DTL: variants seen among roughly 807,000 people sequenced by gnomAD.
DTL encodes the protein denticleless protein homolog.
A neutral mutation model predicts 87.0 loss-of-function variants in DTL; 46 were observed. That is an observed-to-expected ratio of 0.53 (90% CI 0.42 to 0.68). DTL has a LOEUF of 0.68. Ranked by LOEUF, DTL falls within the 30% of genes least tolerant of loss-of-function variation. The probability of loss-of-function intolerance (pLI) is 0.00; values close to 1 mark genes in which losing one functional copy is unlikely to be tolerated. For synonymous variants in DTL, 308 were observed against 311.2 expected, an observed-to-expected ratio of 0.99 and a Z score of 0.11; for missense variants, 737 against 869.4, an observed-to-expected ratio of 0.85 and a Z score of 1.91.
intron 10 of DTL, among the ~76,000 whole-genome samples, chr1:212,071,412 C>T (rs571755016): frequency 1.3e-5 from 2 of 152,304 alleles, no homozygotes; most frequent in South Asian, 4.1e-4. Context: ...GGGTTACCTG[C>T]CCTTTTGCCA....
intron 6 of DTL, among the ~76,000 whole-genome samples, chr1:212,063,232 C>T (rs558981564): frequency 2.6e-5 from 4 of 151,742 alleles, no homozygotes; most frequent in South Asian, 2.1e-4. Flanking sequence ...AATATTAATA[C>T]GCAGCCTCAC....
chr1:212,085,571 A>C (rs1052625440), intron 13 of DTL, among the ~76,000 whole-genome samples: 1 of 152,172 alleles, frequency 6.6e-6, no homozygotes, highest in Non-Finnish European at 1.5e-5. Flanking sequence ...AATGATTTGC[A>C]ATGATTTATT....
rs1655700324 is a variant in DTL, at chr1:212,104,004, T to C, written c.*1064T>C. On this transcript the variant is annotated 3_prime_UTR_variant, in exon 15 of 15. Transcript: ENST00000366991. ...CCTGAGCCAAAAAGTAATAGAATTT[T>C]CTCTAGATATTTAATACAGAGAGTG... is the stretch of plus-strand genomic sequence containing the variant. 1 of 152,208 alleles carries C rather than the reference T, an allele frequency of 6.6e-6. No homozygotes were observed. The highest frequency in any genetic ancestry group is 2.4e-5 in the African/African-American group (1 of 41,462). The allele number at this position is 152,208 out of a possible 1,614,324, so 9.4% of individuals were successfully genotyped here. A position where few individuals can be genotyped will look rare whatever the true frequency, so the allele number is the denominator to read the frequency against.
At position 212,068,706 on chromosome 1, in the gene DTL, A is replaced by C. The variant is rs1654584354; in HGVS notation, c.922+3A>C. On this transcript the variant is annotated splice_donor_region_variant and intron_variant, in intron 10 of 14. Coordinates refer to ENST00000366991, the MANE Select transcript of DTL (RefSeq NM_016448.4). ...GACTGGGTTGAAGACTTCTCCAGGT[A>C]AGATATTAGTCATTCAAATTCTCTT... 1.3e-6 allele frequency: 2 copies of C among 1,565,108 alleles called. No individual in the cohort carries two copies. Among genetic ancestry groups the C allele is most frequent in the Non-Finnish European group, 1.8e-6 (2 of 1,138,236 alleles).
rs558091362 is a variant in DTL at position 212,065,614 on chromosome 1, G to A, written c.639+585G>A. Among the ~76,000 whole-genome samples the A allele has an allele frequency of 3.9e-5, 6 of 152,224 alleles. No individual in the cohort carries two copies. The South Asian group carries it at 1.2e-3, about 32-fold the overall frequency. ...AGTGGAATTCATTAGGAAAAGTGGG[G>A]GAGGAGTAGTTTGAAGAAGCATATT... is the stretch of plus-strand genomic sequence containing the variant. On this transcript the variant is annotated intron_variant, in intron 7 of 14. Transcript: ENST00000366991.
intron 12 of DTL, among the ~76,000 whole-genome samples, chr1:212,078,978 CT>C (rs1654915286): frequency 6.6e-6 from 1 of 152,100 alleles, no homozygotes. Context: ...CTGTGGAGGT[CT>C]CCCCTTTCAC....
intron 1 of DTL, among the ~76,000 whole-genome samples, chr1:212,040,312 A>G (rs1286124171): frequency 6.6e-6 from 1 of 152,244 alleles, no homozygotes; most frequent in African/African-American, 2.4e-5. Flanking sequence ...ATGCCATTAC[A>G]TGGCATATGA....
chr1:212,096,226 C>G (rs1655447494), intron 13 of DTL, among the ~76,000 whole-genome samples: 1 of 152,128 alleles, frequency 6.6e-6, no homozygotes, highest in Admixed American at 6.5e-5. Context: ...TTTCCTGTTT[C>G]ATTTCTAATT....
intron 5 of DTL, chr1:212,051,710 A>G (rs1051917487): frequency 1.2e-4 from 152 of 1,267,234 alleles, no homozygotes; most frequent in Admixed American, 1.4e-4. Context: ...CTCGGCTCTT[A>G]GAATGCTTAA....
At chr1:212,067,738 G>C (rs763906192) in intron 8 of DTL, among the ~76,000 whole-genome samples, 1 of 152,078 alleles carries the variant, frequency 6.6e-6, no homozygotes, top group Non-Finnish European at 1.5e-5. Flanking sequence ...CTTTATACTA[G>C]AAGTAGAGGA....
At chr1:212,074,652 T>C (rs1379769916) in intron 11 of DTL, among the ~76,000 whole-genome samples, 1 of 152,132 alleles carries the variant, frequency 6.6e-6, no homozygotes, top group Admixed American at 6.5e-5. Context: ...TTTTCCATGA[T>C]TAAAAAAAGG....
intron 3 of DTL, among the ~76,000 whole-genome samples, chr1:212,045,315 CCTAT>C (rs1667775358): frequency 6.6e-6 from 1 of 152,168 alleles, no homozygotes; most frequent in African/African-American, 2.4e-5. Flanking sequence ...TGGTGGACTG[CCTAT>C]CTGTCAATAA....
intron 13 of DTL, among the ~76,000 whole-genome samples, chr1:212,091,381 A>T (rs1655278522): frequency 6.6e-6 from 1 of 152,242 alleles, no homozygotes; most frequent in South Asian, 2.1e-4. Flanking sequence ...CATTAAGGAA[A>T]ACAGAATGGC....
At position 212,104,307 on chromosome 1, in the gene DTL, A is replaced by G. The variant is rs1655711059; in HGVS notation, c.*1367A>G. 1 of 152,196 alleles carries G rather than the reference A, an allele frequency of 6.6e-6. No individual in the cohort carries two copies. The highest frequency in any genetic ancestry group is 6.5e-5 in the Admixed American group (1 of 15,282). 9.4% of individuals were successfully genotyped at this position (152,196 alleles called of 1,614,324 possible). ...GAAAATCTATTCTGACAACTTTTTAATTCCTTTGATCTTATAAGTTAAAGC... is the reference window on the plus strand; with the variant it reads ...GAAAATCTATTCTGACAACTTTTTAGTTCCTTTGATCTTATAAGTTAAAGC... On this transcript the variant is annotated 3_prime_UTR_variant, in exon 15 of 15. Transcript: ENST00000366991.
Position 212,100,532 on chromosome 1 carries a change from C to T in DTL, c.1542C>T (p.Pro514=). 6.2e-7 allele frequency: 1 copy of T among 1,614,020 alleles called. No homozygotes were observed. Among genetic ancestry groups the T allele is most frequent in the Non-Finnish European group, 8.5e-7 (1 of 1,180,010 alleles). Residue 514 remains proline (P), a synonymous_variant, in exon 14 of 15, where the codon CCC becomes CCT. Coordinates refer to ENST00000366991, the MANE Select transcript of DTL (RefSeq NM_016448.4). Reference sequence around the variant, plus strand: ...CCCGAACACCTTCCTCATCACCACCCATCACTCCACCTGCTTCGGAGACCA... The same window carrying T: ...CCCGAACACCTTCCTCATCACCACCTATCACTCCACCTGCTTCGGAGACCA... The part of the protein sequence containing the change: ...WVTRTPSSSP[P]ITPPASETKI...
chr1:212,059,837 A>C (rs189808605), intron 5 of DTL, among the ~76,000 whole-genome samples: 47 of 151,894 alleles, frequency 3.1e-4, no homozygotes, highest in East Asian at 5.8e-4. Context: ...AAAGTTGCAG[A>C]ATACAAAATC....
At chr1:212,041,737 C>G (rs1431039691) in intron 1 of DTL, among the ~76,000 whole-genome samples, 1 of 152,112 alleles carries the variant, frequency 6.6e-6, no homozygotes, top group African/African-American at 2.4e-5. Context: ...GTCTCGATCT[C>G]CTGACCTCGT....
At chr1:212,046,342 T>C (rs1183174769) in intron 3 of DTL, among the ~76,000 whole-genome samples, 5 of 152,214 alleles carry the variant, frequency 3.3e-5, no homozygotes, top group South Asian at 2.1e-4. Flanking sequence ...GTTTGTTACG[T>C]AGGTAAACAT....
chr1:212,088,155 C>T (rs1045718206), intron 13 of DTL, among the ~76,000 whole-genome samples: 17 of 152,050 alleles, frequency 1.1e-4, no homozygotes, highest in African/African-American at 3.9e-4. Flanking sequence ...TGTTATGTAG[C>T]GAGGATTGAG....
Sources: allele counts gnomAD v4.1 joint callset (sites outside exome capture counted in the v4.1 genomes callset), GRCh38; gene constraint gnomAD v4.1.1; transcripts MANE v1.5; gene names NCBI Gene and HGNC (gene_info 2026-07-23, HGNC 2026-07-21).